The following RIMS2 variants were observed in gnomAD, a reference collection of about 807,000 sequenced individuals.
RIMS2 encodes the protein regulating synaptic membrane exocytosis 2.
Under a neutral mutation model 174.4 loss-of-function variants are expected in RIMS2, and 59 were observed. The observed-to-expected ratio is 0.34, with a 90% CI of 0.27 to 0.42. The LOEUF (loss-of-function observed/expected upper bound fraction) is 0.42. RIMS2 is among the 10% of genes least tolerant of loss of function. The pLI, the probability that RIMS2 is intolerant of heterozygous loss-of-function variation, is 1.00. For synonymous variants in RIMS2, 606 were observed against 572.5 expected, an observed-to-expected ratio of 1.06 and a Z score of -0.84; for missense variants, 1,620 against 1,666.3, an observed-to-expected ratio of 0.97 and a Z score of 0.48.
intron 3 of RIMS2, among the ~76,000 whole-genome samples, chr8:103,796,728 T>C (rs2098552434): frequency 6.6e-6 from 1 of 152,198 alleles, no homozygotes; most frequent in African/African-American, 2.4e-5. Context: ...ATGCTTAGAG[T>C]ATAGCTGTGA....
At chr8:103,547,358 G>A (rs564686873) in intron 1 of RIMS2, among the ~76,000 whole-genome samples, 2 of 151,884 alleles carry the variant, frequency 1.3e-5, no homozygotes, top group Admixed American at 1.3e-4. Context: ...AAAAAAAATC[G>A]CTGAAAACCA....
At position 103,914,679 on chromosome 8, in the gene RIMS2, G is replaced by A. The variant is rs574504736; in HGVS notation, c.1813-816G>A. On this transcript the variant is annotated intron_variant, in intron 6 of 23. Transcript: ENST00000504942. ...AAATGCATGGAATAAGATACACCCC[G>A]TGATTTTTGAATTCAAATAACTTTC... Among the ~76,000 whole-genome samples, 8 of 152,104 alleles carry A rather than the reference G, an allele frequency of 5.3e-5. No individual in the cohort carries two copies. The Middle Eastern group carries it at 0.01, about 194-fold the overall frequency.
intron 19 of RIMS2, among the ~76,000 whole-genome samples, chr8:104,204,051 C>T (rs2099068216): frequency 6.6e-6 from 1 of 152,206 alleles, no homozygotes; most frequent in Non-Finnish European, 1.5e-5. Flanking sequence ...GAAGAACTCT[C>T]TGCCCGCCAT....
At chr8:103,613,199 C>G (rs2095426850) in intron 1 of RIMS2, among the ~76,000 whole-genome samples, 1 of 152,142 alleles carries the variant, frequency 6.6e-6, no homozygotes, top group Non-Finnish European at 1.5e-5. Context: ...AGTCAAAAAC[C>G]TTAGGAATTT....
chr8:103,506,789 T>G (rs371742577), intron 1 of RIMS2, among the ~76,000 whole-genome samples: 2 of 152,128 alleles, frequency 1.3e-5, no homozygotes, highest in South Asian at 2.1e-4. Flanking sequence ...TTTAGAAGAC[T>G]AGGGATGGGG....
chr8:103,611,838 T>C (rs1013294273), intron 1 of RIMS2, among the ~76,000 whole-genome samples: 4 of 152,154 alleles, frequency 2.6e-5, no homozygotes, highest in Non-Finnish European at 4.4e-5. Flanking sequence ...GGTAGTTCTC[T>C]GATATTATCC....
At chr8:103,774,460 G>A (rs562625111) in intron 3 of RIMS2, among the ~76,000 whole-genome samples, 1 of 152,164 alleles carries the variant, frequency 6.6e-6, no homozygotes, top group African/African-American at 2.4e-5. Flanking sequence ...TAAACAAACT[G>A]TGGTATATTC....
intron 2 of RIMS2, among the ~76,000 whole-genome samples, chr8:103,735,899 T>C (rs909397895): frequency 3.3e-5 from 5 of 152,184 alleles, no homozygotes; most frequent in Non-Finnish European, 4.4e-5. Context: ...ATTAAAGATA[T>C]TGAGTTTTAA....
chr8:103,811,972 T>A (rs976778187), intron 3 of RIMS2, among the ~76,000 whole-genome samples: 2 of 152,222 alleles, frequency 1.3e-5, no homozygotes, highest in African/African-American at 4.8e-5. Flanking sequence ...CTTTTTTGAA[T>A]TAGATGCCAT....
rs1234296336 is a variant in RIMS2 at position 103,863,181 on chromosome 8, T to C, written c.699-22117T>C. Among the ~76,000 whole-genome samples the C allele has an allele frequency of 2.0e-5, 3 of 152,208 alleles. No individual in the cohort carries two copies. The South Asian group carries it at 6.2e-4, about 31-fold the overall frequency. On this transcript the variant is annotated intron_variant, in intron 3 of 23. Transcript: ENST00000504942. ...GGAGGATTTTTATCATGAAGGGATG[T>C]TGGATTTTGTCAGAATTTTTTTTGA...
chr8:103,975,276 T>C, intron 15 of RIMS2, 74 bp from the exon 18 acceptor site: 2 of 939,424 alleles, frequency 2.1e-6, no homozygotes, highest in Non-Finnish European at 3.1e-6. Flanking sequence ...CATTTTGTTT[T>C]TGAGTAAAGT....
intron 19 of RIMS2, among the ~76,000 whole-genome samples, chr8:104,169,920 C>T (rs1361766984): frequency 6.6e-6 from 1 of 151,962 alleles, no homozygotes; most frequent in Non-Finnish European, 1.5e-5. Flanking sequence ...TAATTGTTAA[C>T]CCAAAAATGA....
chr8:103,708,007 A>G (rs964075242), intron 2 of RIMS2, among the ~76,000 whole-genome samples: 2 of 152,136 alleles, frequency 1.3e-5, no homozygotes, highest in East Asian at 3.9e-4. Context: ...TGTTTACTCT[A>G]AGAAAAAGGA....
chr8:104,212,829 A>G (rs2099111337), intron 19 of RIMS2, among the ~76,000 whole-genome samples: 1 of 152,216 alleles, frequency 6.6e-6, no homozygotes, highest in Non-Finnish European at 1.5e-5. Flanking sequence ...ATAAGAGATG[A>G]CAATTTCACT....
intron 1 of RIMS2, among the ~76,000 whole-genome samples, chr8:103,591,781 C>G (rs1347550187): frequency 1.3e-5 from 2 of 151,114 alleles, no homozygotes; most frequent in Non-Finnish European, 3.0e-5. Flanking sequence ...GTCAGTGCCA[C>G]ACTGCCTTAA....
chr8:103,924,746 G>A (rs963544128), intron 10 of RIMS2, among the ~76,000 whole-genome samples: 1 of 151,572 alleles, frequency 6.6e-6, no homozygotes, highest in African/African-American at 2.4e-5. Context: ...ATTCTCAAAG[G>A]AGGTGATTAT....
chr8:103,840,954 G>A (rs997773826), intron 3 of RIMS2, among the ~76,000 whole-genome samples: 2 of 152,110 alleles, frequency 1.3e-5, no homozygotes, highest in African/African-American at 2.4e-5. Flanking sequence ...CCAAAACAAT[G>A]TATAAAAGCT....
At chr8:104,155,402 G>A (rs1306509827) in intron 19 of RIMS2, among the ~76,000 whole-genome samples, 3 of 138,202 alleles carry the variant, frequency 2.2e-5, no homozygotes, top group Admixed American at 7.6e-5. Context: ...CACCGCGCCC[G>A]GCCTTGCTTT....
At position 103,590,941 on chromosome 8, in the gene RIMS2, G is replaced by A. The variant is rs571279355; in HGVS notation, c.176+89879G>A. On this transcript the variant is annotated intron_variant, in intron 1 of 23. Coordinates refer to ENST00000504942, the Ensembl canonical transcript of RIMS2. ...TTGCTGGATCGTAGGGCAGGTTTAT[G>A]TTTATTTTTATGAGAAATTGCCAGG... Among the ~76,000 whole-genome samples the A allele has an allele frequency of 2.0e-5, 3 of 150,916 alleles. No individual in the cohort carries two copies. In the South Asian group the frequency reaches 6.2e-4, roughly 31 times the overall value.
Sources: gnomAD v4.1 joint callset for allele counts (sites outside exome capture counted in the v4.1 genomes callset) on GRCh38, gnomAD v4.1.1 for gene constraint, MANE v1.5 for transcripts, NCBI Gene and HGNC (gene_info 2026-07-23, HGNC 2026-07-21) for gene names.